Variants in EEIG2 observed in about 807,000 individuals in gnomAD.
The protein encoded by EEIG2 is EEIG family member 2, also known as family with sequence similarity 102 member B.
chr1:108,580,501 C>G, the EEIG2 span, among the ~76,000 whole-genome samples: 2 of 152,168 alleles, frequency 1.3e-5, no homozygotes, highest in African/African-American at 4.8e-5. Context: ...AAAGCTAGGC[C>G]TCTTGCACTG....
the EEIG2 span, among the ~76,000 whole-genome samples, chr1:108,595,416 AGG>A: frequency 1.6e-5 from 2 of 125,044 alleles, no homozygotes; most frequent in Non-Finnish European, 3.3e-5. Context: ...GCTTTTACAG[AGG>A]GAGAGAGGAG....
At chr1:108,593,035 G>T in the EEIG2 span, among the ~76,000 whole-genome samples, 1 of 152,142 alleles carries the variant, frequency 6.6e-6, no homozygotes, top group Admixed American at 6.5e-5. Context: ...GCACACACCT[G>T]TAGTCCTAGC....
the EEIG2 span, chr1:108,628,405 G>A: frequency 3.7e-6 from 6 of 1,613,700 alleles, no homozygotes; most frequent in Middle Eastern, 1.6e-4. Context: ...GGTATAGCAC[G>A]TGTCACTCCC....
chr1:108,638,062 TTC>T, the EEIG2 span: 8 of 152,774 alleles, frequency 5.2e-5, no homozygotes, highest in African/African-American at 1.7e-4. Flanking sequence ...CCAGATTTTT[TTC>T]TTTTTTACTT....
At chr1:108,583,094 C>T in the EEIG2 span, among the ~76,000 whole-genome samples, 1 of 152,052 alleles carries the variant, frequency 6.6e-6, no homozygotes, top group Non-Finnish European at 1.5e-5. Flanking sequence ...TTTCCAGTGT[C>T]TTCCATTTTG....
chr1:108,587,575 C>T, the EEIG2 span, among the ~76,000 whole-genome samples: 8 of 152,166 alleles, frequency 5.3e-5, no homozygotes, highest in African/African-American at 1.9e-4. Context: ...TTGTTCATCC[C>T]TCCTACTCCC....
chr1:108,583,777 G>A, the EEIG2 span, among the ~76,000 whole-genome samples: 8,192 of 151,980 alleles, frequency 0.054, 353 homozygotes, highest in East Asian at 0.16. Flanking sequence ...ATAATCCACC[G>A]GGACAAGATA....
At chr1:108,617,896 G>T in the EEIG2 span, among the ~76,000 whole-genome samples, 1 of 152,318 alleles carries the variant, frequency 6.6e-6, no homozygotes, top group East Asian at 1.9e-4. Context: ...TTTGGAATTT[G>T]CAGTATAGAG....
At chr1:108,573,694 A>G in the EEIG2 span, among the ~76,000 whole-genome samples, 1 of 152,204 alleles carries the variant, frequency 6.6e-6, no homozygotes, top group Non-Finnish European at 1.5e-5. Context: ...AACACCAAAC[A>G]ACCCAGTAAA....
At chr1:108,562,981 G>T in the EEIG2 span, among the ~76,000 whole-genome samples, 1 of 152,284 alleles carries the variant, frequency 6.6e-6, no homozygotes, top group South Asian at 2.1e-4. Flanking sequence ...CTAAAAAATT[G>T]CTGTATGTGC....
the EEIG2 span, chr1:108,625,542 G>A: frequency 6.6e-6 from 1 of 152,094 alleles, no homozygotes; most frequent in Admixed American, 6.6e-5. Flanking sequence ...CCTGTTTTGG[G>A]ATCAGTGGAT....
chr1:108,611,525 A>G, the EEIG2 span, among the ~76,000 whole-genome samples: 1 of 152,234 alleles, frequency 6.6e-6, no homozygotes, highest in South Asian at 2.1e-4. Flanking sequence ...GATGTGGGGC[A>G]GAGTTCTGAG....
chr1:108,594,705 G>GA, the EEIG2 span, among the ~76,000 whole-genome samples: 1 of 152,162 alleles, frequency 6.6e-6, no homozygotes, highest in Non-Finnish European at 1.5e-5. Flanking sequence ...AGGGAGCTTG[G>GA]ACCTGAAGGC....
chr1:108,582,801 T>C, the EEIG2 span, among the ~76,000 whole-genome samples: 6 of 152,208 alleles, frequency 3.9e-5, no homozygotes, highest in South Asian at 1.2e-3. Flanking sequence ...GATAAGCGCA[T>C]GAACAGATAC....
chr1:108,632,774 A>AG, the EEIG2 span, among the ~76,000 whole-genome samples: 23,760 of 152,080 alleles, frequency 0.16, 3,036 homozygotes, highest in African/African-American at 0.35. Context: ...ATTTAGGTAC[A>AG]GAACAGCAGA....
At chr1:108,572,645 T>C in the EEIG2 span, among the ~76,000 whole-genome samples, 1 of 152,194 alleles carries the variant, frequency 6.6e-6, no homozygotes, top group Admixed American at 6.5e-5. Context: ...AGACGGAGTC[T>C]CGCCCTGTCG....
the EEIG2 span, among the ~76,000 whole-genome samples, chr1:108,598,334 CAAAAAAAAAAAAAA>C: frequency 1.1e-5 from 1 of 91,884 alleles, no homozygotes; most frequent in Non-Finnish European, 2.2e-5. Context: ...ACCCTGTATC[CAAAAAAAAAAAAAA>C]AAAAAAAAAA....
the EEIG2 span, chr1:108,624,651 C>A: frequency 6.2e-7 from 1 of 1,613,598 alleles, no homozygotes; most frequent in South Asian, 1.1e-5. Flanking sequence ...ACAGGCCTCC[C>A]TCCACTTCAA....
At chr1:108,578,402 T>C in the EEIG2 span, among the ~76,000 whole-genome samples, 1 of 114,968 alleles carries the variant, frequency 8.7e-6, no homozygotes, top group African/African-American at 3.5e-5. Flanking sequence ...ATGCTTCCAG[T>C]TTTTGCCCAT....
Sources: gnomAD v4.1 joint callset for allele counts (sites outside exome capture counted in the v4.1 genomes callset) on GRCh38, gnomAD v4.1.1 for gene constraint, MANE v1.5 for transcripts, NCBI Gene and HGNC (gene_info 2026-07-23, HGNC 2026-07-21) for gene names.